The following TENM3 variants were observed in gnomAD, a reference collection of about 807,000 sequenced individuals.
TENM3 encodes the protein teneurin transmembrane protein 3, also known as teneurin-3.
Under a neutral mutation model 255.1 loss-of-function variants are expected in TENM3, and 63 were observed. The ratio of observed to expected loss-of-function variants is 0.25; its 90% CI spans 0.20 to 0.30. TENM3 has a LOEUF of 0.30. TENM3 is among the 10% of genes least tolerant of loss of function. The pLI is 1.00. For missense variants in TENM3, 2,929 were observed against 3,461.1 expected (o/e 0.85, Z 3.86); for synonymous variants, 1,306 against 1,322.3 (o/e 0.99, Z 0.27).
At chr4:182,312,422 G>T (rs890236917) in intron 1 of TENM3, among the ~76,000 whole-genome samples, 2 of 152,158 alleles carry the variant, frequency 1.3e-5, no homozygotes, top group Non-Finnish European at 2.9e-5. Flanking sequence ...GTGTGTGATT[G>T]TGCCTGGCAT....
At chr4:182,586,733 C>T (rs1190798739) in intron 3 of TENM3, among the ~76,000 whole-genome samples, 3 of 152,102 alleles carry the variant, frequency 2.0e-5, no homozygotes, top group South Asian at 2.1e-4. Flanking sequence ...ATATCTCTGC[C>T]TAGATGTCAT....
At chr4:181,935,156 CA>C in the TENM3 span, among the ~76,000 whole-genome samples, 2 of 152,106 alleles carry the variant, frequency 1.3e-5, no homozygotes, top group Non-Finnish European at 2.9e-5. Context: ...AAGTATAATT[CA>C]AAAGACAGTT....
chr4:181,448,195 C>G, the TENM3 span, among the ~76,000 whole-genome samples: 1 of 104,846 alleles, frequency 9.5e-6, no homozygotes, highest in Non-Finnish European at 1.7e-5. Flanking sequence ...GAGACGGAGT[C>G]TCGCTCTGTC....
At chr4:182,538,557 G>A (rs936245989) in intron 3 of TENM3, among the ~76,000 whole-genome samples, 1 of 152,314 alleles carries the variant, frequency 6.6e-6, no homozygotes, top group South Asian at 2.1e-4. Flanking sequence ...CATAATGCAA[G>A]GTGAGCTTTG....
At chr4:181,697,112 A>C in the TENM3 span, among the ~76,000 whole-genome samples, 1 of 152,182 alleles carries the variant, frequency 6.6e-6, no homozygotes, top group East Asian at 1.9e-4. Flanking sequence ...ATAACTAAAC[A>C]TTTTCAAAAC....
the TENM3 span, among the ~76,000 whole-genome samples, chr4:182,088,811 G>A: frequency 6.6e-6 from 1 of 151,038 alleles, no homozygotes; most frequent in Admixed American, 6.6e-5. Context: ...TCCAGCCTGG[G>A]CGACAGAGCG....
the TENM3 span, among the ~76,000 whole-genome samples, chr4:181,894,963 C>T: frequency 6.6e-4 from 100 of 151,966 alleles, no homozygotes; most frequent in Non-Finnish European, 1.3e-3. Flanking sequence ...TGTACAATTC[C>T]GTTGTCAACT....
chr4:181,700,725 G>A, the TENM3 span, among the ~76,000 whole-genome samples: 19 of 152,220 alleles, frequency 1.2e-4, no homozygotes, highest in East Asian at 3.7e-3. Flanking sequence ...CCCCTTTATA[G>A]TAGCAGTCAC....
At chr4:182,260,351 C>T (rs1444515839) in intron 1 of TENM3, among the ~76,000 whole-genome samples, 1 of 152,148 alleles carries the variant, frequency 6.6e-6, no homozygotes, top group Non-Finnish European at 1.5e-5. Context: ...TTTGTATTCC[C>T]ACCAACAGTG....
chr4:181,523,923 AG>A, the TENM3 span, among the ~76,000 whole-genome samples: 1 of 152,232 alleles, frequency 6.6e-6, no homozygotes, highest in Non-Finnish European at 1.5e-5. Context: ...TTTGACAAAA[AG>A]GGAAAAGGAA....
intron 1 of TENM3, among the ~76,000 whole-genome samples, chr4:182,253,994 C>T (rs898296720): frequency 6.6e-6 from 1 of 152,088 alleles, no homozygotes; most frequent in Non-Finnish European, 1.5e-5. Context: ...TTTAGTCAGT[C>T]TACATTTCCT....
chr4:182,783,738 G>T (rs1454045101), intron 24 of TENM3, among the ~76,000 whole-genome samples: 1 of 152,122 alleles, frequency 6.6e-6, no homozygotes. Context: ...CATGTTTCTT[G>T]GGGGCTTTGC....
the TENM3 span, among the ~76,000 whole-genome samples, chr4:181,856,311 A>G: frequency 8.7e-4 from 133 of 152,236 alleles, no homozygotes; most frequent in Middle Eastern, 3.4e-3. Context: ...AGCACCAGCA[A>G]CATGCCAAGA....
At chr4:182,113,159 C>A in the TENM3 span, among the ~76,000 whole-genome samples, 1 of 152,150 alleles carries the variant, frequency 6.6e-6, no homozygotes, top group African/African-American at 2.4e-5. Flanking sequence ...AAAGGACAAA[C>A]AACTGTTTTA....
the TENM3 span, among the ~76,000 whole-genome samples, chr4:182,070,337 G>T: frequency 2.0e-5 from 3 of 152,214 alleles, no homozygotes; most frequent in African/African-American, 7.2e-5. Context: ...TACACATATA[G>T]GCTGGGTGCA....
the TENM3 span, among the ~76,000 whole-genome samples, chr4:181,964,404 A>T: frequency 5.3e-5 from 8 of 152,096 alleles, no homozygotes; most frequent in East Asian, 1.5e-3. Context: ...GTGTCAGATG[A>T]CTCTAGCCTG....
chr4:181,797,324 G>T, the TENM3 span, among the ~76,000 whole-genome samples: 1 of 152,116 alleles, frequency 6.6e-6, no homozygotes, highest in African/African-American at 2.4e-5. Context: ...AATGGTGAAA[G>T]GGACACCTCA....
At chr4:181,968,302 G>A in the TENM3 span, among the ~76,000 whole-genome samples, 23,182 of 152,094 alleles carry the variant, frequency 0.15, 1,813 homozygotes, top group South Asian at 0.24. Context: ...CTCCCCAGTA[G>A]GTCGTGTCCA....
chr4:182,092,504 C>T, the TENM3 span, among the ~76,000 whole-genome samples: 2 of 152,084 alleles, frequency 1.3e-5, no homozygotes, highest in East Asian at 1.9e-4. Flanking sequence ...AAAAGTTAGC[C>T]AGGCACATTG....
Sources: gnomAD v4.1 joint callset for allele counts (sites outside exome capture counted in the v4.1 genomes callset) on GRCh38, gnomAD v4.1.1 for gene constraint, MANE v1.5 for transcripts, NCBI Gene and HGNC (gene_info 2026-07-23, HGNC 2026-07-21) for gene names.